Variants in FAM181A observed in about 807,000 individuals in gnomAD.
The protein encoded by FAM181A is family with sequence similarity 181 member A.
In FAM181A, 7 loss-of-function variants were observed where a neutral mutation model predicts 16.3. That is an observed-to-expected ratio of 0.43 (90% CI 0.24 to 0.81). FAM181A has a LOEUF of 0.81. Ranked by LOEUF, FAM181A falls within the 30% of genes least tolerant of loss-of-function variation. The pLI, the probability that FAM181A is intolerant of heterozygous loss-of-function variation, is 0.24. For missense variants in FAM181A, 349 were observed against 377.5 expected, an observed-to-expected ratio of 0.92 and a Z score of 0.63; for synonymous variants, 183 against 164.9, an observed-to-expected ratio of 1.11 and a Z score of -0.84.
upstream of FAM181A, among the ~76,000 whole-genome samples, chr14:93,925,813 A>T (rs1411056585): frequency 2.0e-5 from 3 of 151,894 alleles, no homozygotes; most frequent in Non-Finnish European, 4.4e-5. Flanking sequence ...GCTTGTCAGC[A>T]CCGGGCCATC....
chr14:93,919,603 A>C (rs1431866523), intron 1 of FAM181A, among the ~76,000 whole-genome samples: 1 of 152,228 alleles, frequency 6.6e-6, no homozygotes, highest in African/African-American at 2.4e-5. Flanking sequence ...ACTTCAGAGA[A>C]TGTCCTGTAC....
chr14:93,925,476 C>A, upstream of FAM181A: 4 of 1,010,626 alleles, frequency 4.0e-6, no homozygotes, highest in South Asian at 1.6e-5. Flanking sequence ...TGGCCACAGG[C>A]CCTCAGGGCG....
chr14:93,925,708 G>T (rs1322484146), upstream of FAM181A, among the ~76,000 whole-genome samples: 2 of 151,560 alleles, frequency 1.3e-5, no homozygotes, highest in African/African-American at 4.9e-5. Flanking sequence ...TCAGTCCAGC[G>T]GCACTTCCAT....
intron 1 of FAM181A, 57 bp from the exon 2 acceptor site, chr14:93,928,142 T>C: frequency 3.8e-6 from 6 of 1,578,900 alleles, no homozygotes; most frequent in Non-Finnish European, 5.2e-6. Context: ...TGTGGTCTTT[T>C]GGGAGGGCTG....
chr14:93,927,446 G>C lies in FAM181A; in HGVS notation c.-96G>C. 1 of 1,221,630 alleles carries C rather than the reference G, an allele frequency of 8.2e-7. No homozygotes were observed. Among genetic ancestry groups the C allele is most frequent in the South Asian group, 1.4e-5 (1 of 70,678 alleles). 75.7% of individuals were successfully genotyped at this position (1,221,630 alleles called of 1,614,324 possible). A position where few individuals can be genotyped will look rare whatever the true frequency, so the allele number is the denominator to read the frequency against. ...GGGCCACGTTGGTGGGGCCTGGGCC[G>C]CACCTTCGGTCAGTGTGGAGGCCCG... On this transcript the variant is annotated 5_prime_UTR_variant, in exon 1 of 2. Coordinates refer to ENST00000556222, the MANE Select transcript of FAM181A (RefSeq NM_001207073.2).
Position 93,928,808 on chromosome 14 carries a change from G to C in FAM181A, c.523G>C (p.Glu175Gln). 6.2e-7 allele frequency: 1 copy of C among 1,613,972 alleles called. No individual in the cohort carries two copies. The highest frequency in any genetic ancestry group is 8.5e-7 in the Non-Finnish European group (1 of 1,179,918). ...YEGKKNCKGL[E>Q]PLGPETTLVS... ...GGGTAAGAAAAATTGCAAGGGCTTG[G>C]AGCCCCTGGGACCTGAGACTACCCT... is the stretch of plus-strand genomic sequence containing the variant. Residue 175 changes from glutamate to glutamine, a missense_variant, in exon 2 of 2, where the codon GAG becomes CAG. Glu to Gln is a conservative substitution (Grantham distance 29, BLOSUM62 2). Coordinates refer to ENST00000556222, the MANE Select transcript of FAM181A (RefSeq NM_001207073.2).
rs1427705910 is a variant in FAM181A, at chr14:93,927,648, G to A, written c.-88+194G>A. On this transcript the variant is annotated intron_variant, in intron 1 of 1. Coordinates refer to ENST00000556222, the MANE Select transcript of FAM181A (RefSeq NM_001207073.2). ...CAAGGCAGGTCTCGATTAAGTGCCA[G>A]ACAGGGGTCCTGCCTGGTCCTGCGT... 2.3e-6 allele frequency: 3 copies of A among 1,282,688 alleles called. No individual in the cohort carries two copies. The African/African-American group carries it at 4.6e-5, about 20-fold the overall frequency. 79.5% of individuals were successfully genotyped at this position (1,282,688 alleles called of 1,614,324 possible). A position where few individuals can be genotyped will look rare whatever the true frequency, so the allele number is the denominator to read the frequency against.
chr14:93,928,205 T>G lies in FAM181A; in HGVS notation c.-81T>G. The G allele has an allele frequency of 1.2e-6, 2 of 1,612,868 alleles. No individual in the cohort carries two copies. The highest frequency in any genetic ancestry group is 1.7e-6 in the Non-Finnish European group (2 of 1,179,578). On this transcript the variant is annotated 5_prime_UTR_variant, in exon 2 of 2. Coordinates refer to ENST00000556222, the MANE Select transcript of FAM181A (RefSeq NM_001207073.2). ...GGCCTGTTTTGTCCCCCAGGTCAGC[T>G]CGGTGCCCTTCCTTGGAGCTGCCGG...
upstream of FAM181A, chr14:93,927,296 G>T (rs910674817): frequency 4.8e-6 from 5 of 1,037,010 alleles, no homozygotes; most frequent in African/African-American, 8.7e-5. Flanking sequence ...GGCCTGAGGG[G>T]CCCCCCAGCT....
chr14:93,921,964 T>C (rs929460824), intron 1 of FAM181A: 1 of 152,214 alleles, frequency 6.6e-6, no homozygotes, highest in Non-Finnish European at 1.5e-5. Context: ...ATGACACATA[T>C]TTCCATCAAG....
intron 1 of FAM181A, chr14:93,927,691 C>T (rs1018127866): frequency 6.1e-6 from 6 of 977,308 alleles, no homozygotes; most frequent in Non-Finnish European, 7.4e-6. Flanking sequence ...GGGGGTGGAG[C>T]GTGGGGACTG....
chr14:93,925,442 T>C (rs1366613485), upstream of FAM181A: 2 of 1,427,496 alleles, frequency 1.4e-6, no homozygotes, highest in African/African-American at 2.8e-5. Context: ...CCTCACACAG[T>C]AGGCAGCAGG....
At chr14:93,923,279 C>T (rs1887792768), upstream of FAM181A, 1 of 152,252 alleles carries the variant, frequency 6.6e-6, no homozygotes, top group Non-Finnish European at 1.5e-5. Flanking sequence ...CCGGCTGAAT[C>T]TCCACATATT....
intron 1 of FAM181A, 68 bp from the exon 2 acceptor site, chr14:93,928,131 C>A (rs575565341): frequency 1.3e-6 from 2 of 1,568,984 alleles, no homozygotes; most frequent in African/African-American, 2.7e-5. Context: ...TAGACAGGTG[C>A]TGTGGTCTTT....
Position 93,928,906 on chromosome 14 carries a change from C to T in FAM181A, c.621C>T (p.Arg207=), listed in dbSNP as rs765365255. The stretch of plus-strand genomic sequence containing the variant: ...TGCCTGGGGTCTCCTTGGTGGGCCG[C>T]GTCAATGCCTGGAGTTGCTGCCCCT... ...LKMPGVSLVG[R]VNAWSCCPFQ... is the part of the protein sequence containing the mutation. The change falls in exon 2 of 2, where the codon CGC becomes CGT. Residue 207 remains arginine, a synonymous_variant. Transcript: ENST00000556222. The T allele has an allele frequency of 3.1e-5, 50 of 1,614,060 alleles. No homozygotes were observed. The highest frequency in any genetic ancestry group is 1.8e-4 in the South Asian group (16 of 91,096).
In FAM181A at chr14:93,927,395, C is replaced by G. The variant is rs2141256359; in HGVS notation, c.-147C>G. 6 of 1,154,812 alleles carry G rather than the reference C, an allele frequency of 5.2e-6. No homozygotes were observed. In the South Asian group the frequency reaches 1.0e-4, roughly 19 times the overall value. 71.5% of individuals were successfully genotyped at this position (1,154,812 alleles called of 1,614,324 possible). The stretch of plus-strand genomic sequence containing the variant: ...CTCGGCCGGCTGCGCCGGGGCCTGT[C>G]CCAGGTCTGCAGTGGGGAACCTGCC... On this transcript the variant is annotated 5_prime_UTR_variant, in exon 1 of 2. Transcript: ENST00000556222.
intron 1 of FAM181A, among the ~76,000 whole-genome samples, chr14:93,921,909 T>C (rs1260222361): frequency 2.0e-5 from 3 of 152,142 alleles, no homozygotes; most frequent in African/African-American, 7.2e-5. Flanking sequence ...TCCTCATCCA[T>C]TAAAGAGAGT....
chr14:93,920,255 A>G (rs1156425078), intron 1 of FAM181A, among the ~76,000 whole-genome samples: 2 of 152,136 alleles, frequency 1.3e-5, no homozygotes, highest in Non-Finnish European at 2.9e-5. Flanking sequence ...CTCTACAAAA[A>G]ATTTTTAAAA....
At chr14:93,926,763 TC>T (rs1887919196), upstream of FAM181A, among the ~76,000 whole-genome samples, 1 of 142,966 alleles carries the variant, frequency 7.0e-6, no homozygotes, top group Admixed American at 6.9e-5. This position sits in a 1 kb window ranked among gnomAD's most constrained non-coding sequence, Gnocchi z 5.2. Flanking sequence ...AGGCCCTCCA[TC>T]CCCGATCCCT....
Sources: allele counts gnomAD v4.1 joint callset (sites outside exome capture counted in the v4.1 genomes callset), GRCh38; gene constraint gnomAD v4.1.1; non-coding constraint Gnocchi (gnomAD v3.1); transcripts MANE v1.5; gene names NCBI Gene and HGNC (gene_info 2026-07-23, HGNC 2026-07-21).